Variants in ELMO1 observed in about 807,000 individuals in gnomAD.
The protein encoded by ELMO1 is engulfment and cell motility 1.
ELMO1 carries 26 observed loss-of-function variants against 98.9 expected under a neutral mutation model. The observed-to-expected ratio is 0.26, with a 90% CI of 0.19 to 0.36. ELMO1 has a LOEUF of 0.36. Ranked by LOEUF, ELMO1 falls within the 10% of genes least tolerant of loss-of-function variation. The pLI, the probability that ELMO1 is intolerant of heterozygous loss-of-function variation, is 1.00. For missense variants in ELMO1, 627 were observed against 935.2 expected, an observed-to-expected ratio of 0.67 and a Z score of 4.30; for synonymous variants, 346 against 346.0, an observed-to-expected ratio of 1.00 and a Z score of 0.00.
At chr7:37,186,036 G>A (rs916881201) in intron 13 of ELMO1, among the ~76,000 whole-genome samples, 10 of 152,142 alleles carry the variant, frequency 6.6e-5, no homozygotes, top group African/African-American at 2.4e-4. Flanking sequence ...AACAAATTTG[G>A]AGGACACACA....
rs1247220970 is a variant in ELMO1 at position 37,391,098 on chromosome 7, C to T, written c.-73-48335G>A. On this transcript the variant is annotated intron_variant, in intron 1 of 21. Coordinates refer to ENST00000310758, the MANE Select transcript of ELMO1 (RefSeq NM_014800.11). Reference sequence around the variant, plus strand: ...TCTCTCCCTCCCTCTTTCCCCCCACCGCTCTTTCTTTACTTCTTTCTTTCT... The same window carrying T: ...TCTCTCCCTCCCTCTTTCCCCCCACTGCTCTTTCTTTACTTCTTTCTTTCT... Among the ~76,000 whole-genome samples, 12 of 150,436 alleles carry T rather than the reference C, an allele frequency of 8.0e-5. No individual in the cohort carries two copies. In the East Asian group the frequency reaches 1.2e-3, roughly 15 times the overall value.
At chr7:36,989,904 C>A (rs745337800) in intron 16 of ELMO1, among the ~76,000 whole-genome samples, 2 of 152,090 alleles carry the variant, frequency 1.3e-5, no homozygotes, top group Non-Finnish European at 2.9e-5. Context: ...TAATTTTTAT[C>A]CTGAAAAACT....
intron 1 of ELMO1, among the ~76,000 whole-genome samples, chr7:37,417,444 G>A (rs1804269317): frequency 6.6e-6 from 1 of 152,088 alleles, no homozygotes. Context: ...GGAGGATCAC[G>A]AGGTCAGCAG....
At chr7:37,366,751 T>C (rs1801917806) in intron 1 of ELMO1, among the ~76,000 whole-genome samples, 3 of 152,198 alleles carry the variant, frequency 2.0e-5, no homozygotes, top group Non-Finnish European at 2.9e-5. Flanking sequence ...ACTTCAGCAA[T>C]AGCATTCTCC....
chr7:37,308,067 T>A (rs1798705098), intron 4 of ELMO1, among the ~76,000 whole-genome samples: 2 of 152,124 alleles, frequency 1.3e-5, no homozygotes, highest in African/African-American at 4.8e-5. Context: ...GAGCCAAGAT[T>A]GCGCCACTGC....
chr7:37,121,218 C>T (rs1403320078), intron 14 of ELMO1, among the ~76,000 whole-genome samples: 1 of 151,980 alleles, frequency 6.6e-6, no homozygotes, highest in Non-Finnish European at 1.5e-5. Flanking sequence ...ATCAGAGCGC[C>T]TCTCCTCCTC....
chr7:36,946,764 G>C (rs1787525400), intron 16 of ELMO1, among the ~76,000 whole-genome samples: 1 of 152,100 alleles, frequency 6.6e-6, no homozygotes, highest in Admixed American at 6.5e-5. Context: ...CAGATGCACA[G>C]TCCTGGTCCC....
Position 37,049,652 on chromosome 7 carries a change from G to C in ELMO1, c.1301-36217C>G, listed in dbSNP as rs555567946. Among the ~76,000 whole-genome samples the C allele has an allele frequency of 2.6e-5, 4 of 152,192 alleles. No homozygotes were observed. The East Asian group carries it at 7.7e-4, about 29-fold the overall frequency. On this transcript the variant is annotated intron_variant, in intron 15 of 21. Coordinates refer to ENST00000310758, the MANE Select transcript of ELMO1 (RefSeq NM_014800.11). Reference sequence around the variant, plus strand: ...CCTCTGTAGGCTTTCTTCAGGAGGAGAGGGGTCCATCACAGATTTCCTATG... The same window carrying C: ...CCTCTGTAGGCTTTCTTCAGGAGGACAGGGGTCCATCACAGATTTCCTATG...
Position 36,870,377 on chromosome 7 carries a change from A to G in ELMO1, c.1905+16T>C. ...CTGGGCAAATAGAGCTATTTGCAAT[A>G]ATTTGGAAATCATACCTTGTTTTGT... On this transcript the variant is annotated intron_variant, in intron 20 of 21. Coordinates refer to ENST00000310758, the MANE Select transcript of ELMO1 (RefSeq NM_014800.11). This position sits in a 1 kb window ranked among gnomAD's most constrained non-coding sequence, Gnocchi z 4.4. The G allele has an allele frequency of 1.2e-6, 2 of 1,613,566 alleles. No homozygotes were observed. Among genetic ancestry groups the G allele is most frequent in the South Asian group, 2.2e-5 (2 of 91,050 alleles).
chr7:37,101,113 G>A lies in ELMO1; in HGVS notation c.1192-4386C>T, dbSNP rs1341926590. Among the ~76,000 whole-genome samples, 4 of 152,236 alleles carry A rather than the reference G, an allele frequency of 2.6e-5. No homozygotes were observed. In the South Asian group the frequency reaches 8.3e-4, roughly 32 times the overall value. On this transcript the variant is annotated intron_variant, in intron 14 of 21. Transcript: ENST00000310758. ...CAGCTAAACCAAAATCATGACTGCA[G>A]TGAGACTGGCTCTCTGATGACAGGC...
At chr7:37,022,900 A>C (rs1794353816) in intron 15 of ELMO1, among the ~76,000 whole-genome samples, 2 of 152,256 alleles carry the variant, frequency 1.3e-5, no homozygotes, top group African/African-American at 4.8e-5. Flanking sequence ...CTACAAAGAA[A>C]TTATTTTTAA....
Position 37,430,081 on chromosome 7 carries a change from T to C in ELMO1, c.-74+18594A>G, listed in dbSNP as rs73693587. ...ATAAATAGCTGAGAAAAATTTGGCA[T>C]TGACGGAGAGCACAGACAACAGTTA... On this transcript the variant is annotated intron_variant, in intron 1 of 21. Transcript: ENST00000310758. Among the ~76,000 whole-genome samples the C allele has an allele frequency of 9.2e-3, 1,405 of 152,298 alleles. 23 individuals are homozygous for C. Among genetic ancestry groups the C allele is most frequent in the African/African-American group, 0.032 (1,342 of 41,554 alleles).
At chr7:37,416,576 A>G (rs914300452) in intron 1 of ELMO1, among the ~76,000 whole-genome samples, 5 of 152,210 alleles carry the variant, frequency 3.3e-5, no homozygotes, top group Admixed American at 6.5e-5. Context: ...CATTTCTTAG[A>G]TTCCCGCCCT....
chr7:37,128,801 A>G (rs551629891), intron 14 of ELMO1, among the ~76,000 whole-genome samples: 4 of 152,324 alleles, frequency 2.6e-5, no homozygotes, highest in Non-Finnish European at 5.9e-5. Flanking sequence ...AAAAGCCACT[A>G]TGTGCTAGGC....
chr7:37,355,161 T>G (rs1801447962), intron 1 of ELMO1, among the ~76,000 whole-genome samples: 1 of 152,224 alleles, frequency 6.6e-6, no homozygotes, highest in South Asian at 2.1e-4. Context: ...GTTGTTGGCC[T>G]GGGTGTTAAT....
chr7:37,437,152 T>C (rs1193382658), intron 1 of ELMO1, among the ~76,000 whole-genome samples: 1 of 152,134 alleles, frequency 6.6e-6, no homozygotes, highest in African/African-American at 2.4e-5. Flanking sequence ...TTCCTGACAA[T>C]TGCTCCTTCA....
At chr7:36,960,433 T>A (rs1285913369) in intron 16 of ELMO1, among the ~76,000 whole-genome samples, 3 of 152,182 alleles carry the variant, frequency 2.0e-5, no homozygotes, top group African/African-American at 7.2e-5. Flanking sequence ...GCTTTTTAAA[T>A]AAACACACCA....
chr7:37,378,119 G>C (rs190308660), intron 1 of ELMO1, among the ~76,000 whole-genome samples: 9 of 152,140 alleles, frequency 5.9e-5, no homozygotes, highest in African/African-American at 2.2e-4. Context: ...AACAAAATCC[G>C]GAGGTCCCTA....
chr7:36,998,211 T>C (rs1433604834), intron 16 of ELMO1, among the ~76,000 whole-genome samples: 1 of 152,210 alleles, frequency 6.6e-6, no homozygotes, highest in Non-Finnish European at 1.5e-5. Context: ...CTCTTCTTCA[T>C]CAGAGCAGGG....
Sources: allele counts gnomAD v4.1 joint callset (sites outside exome capture counted in the v4.1 genomes callset), GRCh38; gene constraint gnomAD v4.1.1; non-coding constraint Gnocchi (gnomAD v3.1); transcripts MANE v1.5; gene names NCBI Gene and HGNC (gene_info 2026-07-23, HGNC 2026-07-21).